Variants in RIMS1 observed in about 807,000 individuals in gnomAD.
The protein encoded by RIMS1 is regulating synaptic membrane exocytosis 1.
In RIMS1, 83 loss-of-function variants were observed where a neutral mutation model predicts 214.1. The observed-to-expected ratio is 0.39, with a 90% confidence interval of 0.32 to 0.47. RIMS1 has a LOEUF of 0.47. RIMS1 is among the 20% of genes least tolerant of loss of function. The probability of loss-of-function intolerance (pLI) is 0.99; values close to 1 mark genes in which losing one functional copy is unlikely to be tolerated. For synonymous variants in RIMS1, 793 were observed against 786.8 expected, an observed-to-expected ratio of 1.01 and a Z score of -0.13; for missense variants, 2,050 against 2,161.8, an observed-to-expected ratio of 0.95 and a Z score of 1.03.
intron 1 of RIMS1, among the ~76,000 whole-genome samples, chr6:71,907,823 G>A (rs547057568): frequency 6.6e-6 from 1 of 152,254 alleles, no homozygotes; most frequent in South Asian, 2.1e-4. Context: ...TGAAACTCTA[G>A]TAAGTTGGAT....
chr6:71,995,472 G>A (rs1237201240), intron 2 of RIMS1, among the ~76,000 whole-genome samples: 3 of 151,486 alleles, frequency 2.0e-5, no homozygotes, highest in Non-Finnish European at 4.4e-5. Context: ...GTGTGTGTGT[G>A]TGTGTGTGTG....
chr6:72,045,537 A>T (rs569704948), intron 2 of RIMS1, among the ~76,000 whole-genome samples: 2 of 152,142 alleles, frequency 1.3e-5, no homozygotes, highest in Admixed American at 1.3e-4. Flanking sequence ...AAAAGCTACA[A>T]TGCTATTTTA....
At chr6:72,317,174 C>A (rs553795837) in intron 28 of RIMS1, 9 of 334,628 alleles carry the variant, frequency 2.7e-5, no homozygotes, top group African/African-American at 1.1e-4. Flanking sequence ...TCCCCAGAGT[C>A]CCCTAGCAGG....
chr6:72,319,657 C>A (rs1388171273), intron 28 of RIMS1, among the ~76,000 whole-genome samples: 1 of 151,894 alleles, frequency 6.6e-6, no homozygotes. Flanking sequence ...CTTCTTTAGA[C>A]CTTGATTTTT....
intron 2 of RIMS1, among the ~76,000 whole-genome samples, chr6:71,978,324 A>G (rs1797669397): frequency 6.6e-6 from 1 of 152,166 alleles, no homozygotes; most frequent in South Asian, 2.1e-4. Flanking sequence ...CTTATATAGC[A>G]CTTCAAATAT....
intron 18 of RIMS1, among the ~76,000 whole-genome samples, 169 bp downstream of exon 18, chr6:72,259,280 A>G (rs1294249444): frequency 6.6e-6 from 1 of 152,200 alleles, no homozygotes; most frequent in Non-Finnish European, 1.5e-5. Flanking sequence ...ACTCTAGGAA[A>G]TATTTGGCTA....
intron 29 of RIMS1, among the ~76,000 whole-genome samples, chr6:72,378,953 A>C (rs1490151553): frequency 6.6e-6 from 1 of 152,170 alleles, no homozygotes; most frequent in Non-Finnish European, 1.5e-5. Flanking sequence ...CTAACCCAAT[A>C]TTCTCTGAGA....
chr6:72,344,680 G>T (rs2097201487), intron 29 of RIMS1, among the ~76,000 whole-genome samples: 1 of 151,696 alleles, frequency 6.6e-6, no homozygotes, highest in Non-Finnish European at 1.5e-5. Context: ...GTAAGCATGG[G>T]TTCTTTTATT....
chr6:72,284,026 G>A, intron 23 of RIMS1, 21 bp from the exon 24 acceptor site: 1 of 1,594,740 alleles, frequency 6.3e-7, no homozygotes, highest in Non-Finnish European at 8.6e-7. Flanking sequence ...TATATTTTGT[G>A]TTTAACATTT....
chr6:72,256,634 A>G (rs566612449), intron 16 of RIMS1, among the ~76,000 whole-genome samples: 93 of 152,094 alleles, frequency 6.1e-4, no homozygotes, highest in Non-Finnish European at 1.2e-3. Flanking sequence ...GATAGCAATT[A>G]AAAATGTTTA....
chr6:72,199,822 A>G (rs2051619661), intron 6 of RIMS1, among the ~76,000 whole-genome samples: 1 of 152,144 alleles, frequency 6.6e-6, no homozygotes, highest in Admixed American at 6.6e-5. Context: ...ATTAGAAACC[A>G]GTAGATAATA....
chr6:71,959,774 T>C (rs1792379066), intron 1 of RIMS1, among the ~76,000 whole-genome samples: 1 of 152,188 alleles, frequency 6.6e-6, no homozygotes, highest in Non-Finnish European at 1.5e-5. Flanking sequence ...AATGAAATAA[T>C]TTATTTGCTC....
At chr6:72,018,452 CGAT>C (rs1813472127) in intron 2 of RIMS1, among the ~76,000 whole-genome samples, 1 of 151,786 alleles carries the variant, frequency 6.6e-6, no homozygotes, top group African/African-American at 2.4e-5. Context: ...ATTTTAGACA[CGAT>C]AAATCTGAGG....
At chr6:72,341,744 G>A (rs1046666755) in intron 29 of RIMS1, among the ~76,000 whole-genome samples, 4 of 151,856 alleles carry the variant, frequency 2.6e-5, no homozygotes, top group African/African-American at 7.2e-5. Context: ...TGTTATCAAA[G>A]GTAGTGGGGA....
At chr6:71,908,762 T>C (rs1776029830) in intron 1 of RIMS1, among the ~76,000 whole-genome samples, 1 of 152,174 alleles carries the variant, frequency 6.6e-6, no homozygotes, top group Non-Finnish European at 1.5e-5. Flanking sequence ...CAAGCCTAAA[T>C]GAACCTTTTC....
chr6:72,148,058 A>G (rs1380890259), intron 4 of RIMS1, among the ~76,000 whole-genome samples: 1 of 152,146 alleles, frequency 6.6e-6, no homozygotes, highest in African/African-American at 2.4e-5. Context: ...TCCTCAAGAG[A>G]TTGCTCAGCT....
intron 1 of RIMS1, among the ~76,000 whole-genome samples, chr6:71,959,244 A>G (rs1390393641): frequency 6.6e-6 from 1 of 152,178 alleles, no homozygotes; most frequent in African/African-American, 2.4e-5. Context: ...ATCAGTTGAA[A>G]AAATAGTTAC....
intron 29 of RIMS1, among the ~76,000 whole-genome samples, chr6:72,343,434 G>GT (rs1003823004): frequency 4.0e-4 from 57 of 143,014 alleles, no homozygotes; most frequent in African/African-American, 1.4e-3. Context: ...TATTAATATT[G>GT]TGTCTTCTCA....
At chr6:72,374,100 A>G (rs2098300395) in intron 29 of RIMS1, among the ~76,000 whole-genome samples, 1 of 152,016 alleles carries the variant, frequency 6.6e-6, no homozygotes, top group Non-Finnish European at 1.5e-5. Flanking sequence ...TTTTTAGTAG[A>G]CATGGGGTTT....
Sources: allele counts gnomAD v4.1 joint callset (sites outside exome capture counted in the v4.1 genomes callset), GRCh38; gene constraint gnomAD v4.1.1; transcripts MANE v1.5; gene names NCBI Gene and HGNC (gene_info 2026-07-23, HGNC 2026-07-21).